EXT2: variants seen among roughly 807,000 people sequenced by gnomAD.
The protein encoded by EXT2 is exostosin-2.
Under a neutral mutation model 81.6 loss-of-function variants are expected in EXT2, and 53 were observed. That is an observed-to-expected ratio of 0.65 (90% CI 0.52 to 0.82). The LOEUF is 0.82. Among genes scored for constraint, EXT2 ranks in the 40% least tolerant of loss-of-function variants. EXT2 has a pLI of 0.00. For missense variants in EXT2, 774 were observed against 910.2 expected (o/e 0.85, Z 1.93); for synonymous variants, 320 against 340.0 (o/e 0.94, Z 0.65).
chr11:44,107,979 G>A lies in EXT2; in HGVS notation c.267G>A (p.Thr89=), dbSNP rs1386417457. Residue 89 remains threonine (T), a synonymous_variant, in exon 2 of 14, where the codon ACG becomes ACA. Transcript: ENST00000533608. ...GGGATCTCAGTTGCAGAATGCACAC[G>A]TGTTTTGATGTCTATCGCTGTGGCT... ...ERGDLSCRMH[T]CFDVYRCGFN... 4.3e-6 allele frequency: 7 copies of A among 1,614,092 alleles called. No individual in the cohort carries two copies. In the Admixed American group the frequency reaches 1.0e-4, roughly 23 times the overall value.
rs2135286028 is a variant in EXT2, at chr11:44,245,102, T to TTTTAAGCGTAA, written c.*815_*816insTTTAAGCGTAA. Reference sequence around the variant, plus strand: ...TCAAGCGTAAGAAGGTCCCAAATCATAACCATTTTAAGAACAGATGACTCA... The same window carrying TTTTAAGCGTAA: ...TCAAGCGTAAGAAGGTCCCAAATCATTTTAAGCGTAAAACCATTTTAAGAACAGATGACTCA... On this transcript the variant is annotated 3_prime_UTR_variant, in exon 14 of 14. Transcript: ENST00000533608. 4.3e-6 allele frequency: 1 copy of TTTTAAGCGTAA among 230,646 alleles called. No homozygotes were observed. Among genetic ancestry groups the TTTTAAGCGTAA allele is most frequent in the East Asian group, 6.1e-5 (1 of 16,272 alleles). The allele number at this position is 230,646 out of a possible 1,614,324, so 14.3% of individuals were successfully genotyped here.
chr11:44,231,636 C>T (rs1032022372), intron 10 of EXT2, among the ~76,000 whole-genome samples: 1 of 152,110 alleles, frequency 6.6e-6, no homozygotes, highest in Non-Finnish European at 1.5e-5. Context: ...AGAAGAAGCA[C>T]CAAGACTAGC....
intron 7 of EXT2, among the ~76,000 whole-genome samples, chr11:44,164,876 C>CTTTTTT (rs372890914): frequency 1.5e-5 from 2 of 137,540 alleles, no homozygotes; most frequent in Non-Finnish European, 3.1e-5. Flanking sequence ...CTCATTCACA[C>CTTTTTT]TTTTTTTTTT....
chr11:44,141,289 T>C (rs1032679297), intron 7 of EXT2, among the ~76,000 whole-genome samples: 1 of 152,362 alleles, frequency 6.6e-6, no homozygotes, highest in South Asian at 2.1e-4. Context: ...AAATTTTATG[T>C]ATGTTCAGTA....
chr11:44,150,281 T>C (rs576610468), intron 7 of EXT2, among the ~76,000 whole-genome samples: 3 of 129,094 alleles, frequency 2.3e-5, no homozygotes, highest in African/African-American at 5.8e-5. Flanking sequence ...AGTTTCATAA[T>C]TGTGTTTGTT....
chr11:44,245,446 C>T lies in EXT2; in HGVS notation c.*1159C>T, dbSNP rs1956085444. On this transcript the variant is annotated 3_prime_UTR_variant, in exon 14 of 14. Transcript: ENST00000533608. ...TAATACTGCACATGTGTGAATTATA[C>T]CTCTTTAAGCCCAGTTGATGAACAA... The T allele has an allele frequency of 5.4e-6, 1 of 186,244 alleles. No individual in the cohort carries two copies. Among genetic ancestry groups the T allele is most frequent in the African/African-American group, 2.3e-5 (1 of 42,688 alleles). The allele number at this position is 186,244 out of a possible 1,614,324, so 11.5% of individuals were successfully genotyped here.
intron 7 of EXT2, among the ~76,000 whole-genome samples, chr11:44,153,873 T>A (rs74409375): frequency 0.018 from 2,702 of 152,210 alleles, 84 homozygotes; most frequent in African/African-American, 0.062. Context: ...CACTTGATCA[T>A]GGTGTTTAAT....
In EXT2 at chr11:44,245,420, C is replaced by G. The variant is rs1956085188; in HGVS notation, c.*1133C>G. 5.2e-6 allele frequency: 1 copy of G among 192,696 alleles called. No homozygotes were observed. Among genetic ancestry groups the G allele is most frequent in the African/African-American group, 2.3e-5 (1 of 43,034 alleles). 11.9% of individuals were successfully genotyped at this position (192,696 alleles called of 1,614,324 possible). Reference sequence around the variant, plus strand: ...TTAAATCATTAAATTTCAGCATTTACTAATACTGCACATGTGTGAATTATA... The same window carrying G: ...TTAAATCATTAAATTTCAGCATTTAGTAATACTGCACATGTGTGAATTATA... On this transcript the variant is annotated 3_prime_UTR_variant, in exon 14 of 14. Transcript: ENST00000533608.
rs1046460563 is a variant in EXT2 at position 44,169,759 on chromosome 11, C to T, written c.1174-1852C>T. Among the ~76,000 whole-genome samples, 7 of 152,084 alleles carry T rather than the reference C, an allele frequency of 4.6e-5. No homozygotes were observed. The South Asian group carries it at 6.2e-4, about 14-fold the overall frequency. On this transcript the variant is annotated intron_variant, in intron 7 of 13. Transcript: ENST00000533608. ...AGATTTTAGGGAATCTGAAATGCTC[C>T]AATGAGTATTTCCTTTGAGCATCAT...
At chr11:44,181,894 C>G (rs1190261263) in intron 8 of EXT2, among the ~76,000 whole-genome samples, 1 of 152,154 alleles carries the variant, frequency 6.6e-6, no homozygotes, top group Admixed American at 6.5e-5. Flanking sequence ...TGATTGGAAG[C>G]TCTGTATACA....
intron 10 of EXT2, among the ~76,000 whole-genome samples, chr11:44,229,661 GGGAATTA>G (rs1955876009): frequency 6.6e-6 from 1 of 152,198 alleles, no homozygotes; most frequent in Admixed American, 6.5e-5. Context: ...TGCTTTAGTG[GGGAATTA>G]GGACTGTGGT....
chr11:44,158,548 AT>A (rs1373733357), intron 7 of EXT2, among the ~76,000 whole-genome samples: 1 of 142,904 alleles, frequency 7.0e-6, no homozygotes, highest in African/African-American at 3.0e-5. Flanking sequence ...TAATAAATTA[AT>A]TTAATTTTAA....
chr11:44,107,895 C>T lies in EXT2; in HGVS notation c.183C>T (p.Arg61=). Reference sequence around the variant, plus strand: ...CAAATGACTGGAATGTAGAGAAGCGCAGCATCCGTGATGTGCCGGTTGTTA... The same window carrying T: ...CAAATGACTGGAATGTAGAGAAGCGTAGCATCCGTGATGTGCCGGTTGTTA... ...ESSNDWNVEK[R]SIRDVPVVRL... The change falls in exon 2 of 14, where the codon CGC becomes CGT. Residue 61 remains arginine (R), a synonymous_variant. Transcript: ENST00000533608. 1 of 1,614,242 alleles carries T rather than the reference C, an allele frequency of 6.2e-7. No individual in the cohort carries two copies. The highest frequency in any genetic ancestry group is 8.5e-7 in the Non-Finnish European group (1 of 1,180,052).
In EXT2 at chr11:44,124,828, C is replaced by T. The variant is rs1954374186; in HGVS notation, c.783C>T (p.Leu261=). ...TCCTCCTGTCATCTCAGGTGGGTCT[C>T]CATCCTGAGTACAGAGAGGACCTAG... ...QYFLLSSQVG[L]HPEYREDLEA... Residue 261 remains leucine (L), a synonymous_variant, in exon 5 of 14, where the codon CTC becomes CTT. Coordinates refer to ENST00000533608, the MANE Select transcript of EXT2 (RefSeq NM_207122.2). The T allele has an allele frequency of 5.6e-6, 9 of 1,614,134 alleles. No individual in the cohort carries two copies. The highest frequency in any genetic ancestry group is 7.6e-6 in the Non-Finnish European group (9 of 1,180,014).
chr11:44,203,368 C>A (rs1955543023), intron 9 of EXT2, among the ~76,000 whole-genome samples: 1 of 152,176 alleles, frequency 6.6e-6, no homozygotes, highest in Non-Finnish European at 1.5e-5. Flanking sequence ...AGATTCACAC[C>A]TTACTAATCA....
rs1352742669 is a variant in EXT2 at position 44,164,901 on chromosome 11, C to T, written c.1174-6710C>T. ...CTTTTTTTTTTTTTTTTTTTTGAGA[C>T]GGAGTCTCGCTCTGTCGCCCAGGCT... is the stretch of plus-strand genomic sequence containing the variant. On this transcript the variant is annotated intron_variant, in intron 7 of 13. Coordinates refer to ENST00000533608, the MANE Select transcript of EXT2 (RefSeq NM_207122.2). 1.3e-4 allele frequency among the ~76,000 whole-genome samples: 18 copies of T among 135,888 alleles called. No homozygotes were observed. In the East Asian group the frequency reaches 3.2e-3, roughly 24 times the overall value. The allele number at this position is 135,888 out of a possible 152,430, so 89.1% of individuals were successfully genotyped here. A position where few individuals can be genotyped will look rare whatever the true frequency, so the allele number is the denominator to read the frequency against.
chr11:44,119,743 C>T (rs754317896), intron 4 of EXT2, among the ~76,000 whole-genome samples: 3 of 152,246 alleles, frequency 2.0e-5, no homozygotes, highest in Non-Finnish European at 4.4e-5. Context: ...AAGGAGAACA[C>T]TCAGGCCTGC....
intron 1 of EXT2, among the ~76,000 whole-genome samples, chr11:44,098,568 G>T (rs551088983): frequency 1.3e-5 from 2 of 151,956 alleles, no homozygotes; most frequent in African/African-American, 4.8e-5. Context: ...GGTGGTGGGC[G>T]CCTGTAATCC....
At chr11:44,190,079 C>G (rs1157785738) in intron 8 of EXT2, among the ~76,000 whole-genome samples, 2 of 152,194 alleles carry the variant, frequency 1.3e-5, no homozygotes, top group Non-Finnish European at 2.9e-5. Flanking sequence ...TAATATGATG[C>G]TAATGCTTAA....
Sources: allele counts gnomAD v4.1 joint callset (sites outside exome capture counted in the v4.1 genomes callset), GRCh38; gene constraint gnomAD v4.1.1; transcripts MANE v1.5; gene names NCBI Gene and HGNC (gene_info 2026-07-23, HGNC 2026-07-21).